The following JAG1 variants were observed in gnomAD, a reference collection of about 807,000 sequenced individuals.
The protein encoded by JAG1 is jagged canonical Notch ligand 1.
A neutral mutation model predicts 148.7 loss-of-function variants in JAG1; 23 were observed. The ratio of observed to expected loss-of-function variants is 0.15; its 90% CI spans 0.11 to 0.22. JAG1 has a LOEUF of 0.22. Among genes scored for constraint, JAG1 ranks in the 10% least tolerant of loss-of-function variants. The pLI, the probability that JAG1 is intolerant of heterozygous loss-of-function variation, is 1.00. For synonymous variants in JAG1, 572 were observed against 598.3 expected (o/e 0.96, Z 0.64); for missense variants, 1,054 against 1,611.2 (o/e 0.65, Z 5.92).
At chr20:10,649,927 G>A (rs1250219616) in intron 9 of JAG1, among the ~76,000 whole-genome samples, 1 of 152,182 alleles carries the variant, frequency 6.6e-6, no homozygotes, top group Non-Finnish European at 1.5e-5. Flanking sequence ...CCTAGTTGCT[G>A]GGATTTAAAT....
At chr20:10,670,507 A>C (rs1388955277) in intron 2 of JAG1, among the ~76,000 whole-genome samples, 3 of 152,162 alleles carry the variant, frequency 2.0e-5, no homozygotes, top group East Asian at 3.8e-4. Context: ...CTCTAGTTAA[A>C]TACTCGCTCA....
In JAG1 at chr20:10,652,878, G is replaced by A. The variant is rs184345426; in HGVS notation, c.756-280C>T. ...CCACTCTCTTCTCAGGCTCACACGA[G>A]TGAGCCAAAGGTGAAGGCATGGAAT... On this transcript the variant is annotated intron_variant, in intron 5 of 25. Transcript: ENST00000254958. 3.0e-3 allele frequency among the ~76,000 whole-genome samples: 464 copies of A among 152,290 alleles called. 2 individuals are homozygous for A. The highest frequency in any genetic ancestry group is 4.9e-3 in the Non-Finnish European group (331 of 68,028).
chr20:10,641,735 T>A, intron 22 of JAG1, 42 bp from the exon 23 acceptor site: 1 of 1,609,866 alleles, frequency 6.2e-7, no homozygotes. Flanking sequence ...GGCATGCTCA[T>A]CCCTGATTCC....
At chr20:10,644,704 C>T (rs967934783) in intron 18 of JAG1, 159 bp downstream of exon 18, 30 of 706,842 alleles carry the variant, frequency 4.2e-5, no homozygotes, top group Non-Finnish European at 4.9e-5. Context: ...TTTCTCATGC[C>T]CAGGTCAGGG....
At chr20:10,642,464 G>A (rs889620939) in intron 21 of JAG1, 24 bp downstream of exon 21, 47 of 1,390,640 alleles carry the variant, frequency 3.4e-5, no homozygotes, top group Non-Finnish European at 4.7e-5. Flanking sequence ...AGACCCATGG[G>A]CAGCTGAAGC....
intron 20 of JAG1, among the ~76,000 whole-genome samples, chr20:10,643,326 A>G (rs1196243136): frequency 2.0e-5 from 3 of 152,026 alleles, no homozygotes; most frequent in Non-Finnish European, 4.4e-5. Flanking sequence ...GCCTGCCCCT[A>G]TTTTCCTGTT....
chr20:10,639,693 A>C lies in JAG1; in HGVS notation c.3462T>G (p.Ser1154=). 6.2e-7 allele frequency: 1 copy of C among 1,614,226 alleles called. No homozygotes were observed. Among genetic ancestry groups the C allele is most frequent in the Non-Finnish European group, 8.5e-7 (1 of 1,180,050 alleles). The stretch of plus-strand genomic sequence containing the variant: ...TGTCCATGTCGTCCTCTTCTACTTC[A>C]GAATTGTGTGTCCTTATTTTAGACA... The part of the protein sequence containing the change: ...SKMSKIRTHN[S]EVEEDDMDKH... Residue 1154 remains serine, a synonymous_variant, in exon 26 of 26, where the codon TCT becomes TCG. Transcript: ENST00000254958.
rs745700532 is a variant in JAG1, at chr20:10,639,740, A to T, written c.3415T>A (p.Tyr1139Asn). The T allele has an allele frequency of 5.0e-6, 8 of 1,614,114 alleles. No homozygotes were observed. The highest frequency in any genetic ancestry group is 6.8e-6 in the Non-Finnish European group (8 of 1,180,004). Residue 1139 changes from tyrosine (Y) to asparagine (N), a missense_variant, in exon 26 of 26, where the codon TAT becomes AAT. By Grantham distance (143) the Tyr-to-Asn change is moderately radical (BLOSUM62 -2). Around this residue, in one of 6 missense-constraint regions of JAG1, gnomAD observed 177 missense variants for 177.3 expected, o/e 1.00. Transcript: ENST00000254958. ...HGANTVPIKD[Y>N]ENKNSKMSKI... ...GACATTTTGGAGTTCTTGTTCTCAT[A>T]ATCCTTGATGGGGACCGTGTTGGCC...
chr20:10,649,228 T>C (rs752196707), intron 10 of JAG1, 121 bp from the exon 11 acceptor site: 1 of 748,618 alleles, frequency 1.3e-6, no homozygotes, highest in Non-Finnish European at 2.3e-6. Context: ...GTGCTTTCCG[T>C]GAGATAAGGT....
chr20:10,644,708 G>T, intron 18 of JAG1, 155 bp downstream of exon 18: 2 of 725,248 alleles, frequency 2.8e-6, no homozygotes, highest in South Asian at 3.0e-5. Context: ...TCATGCCCAG[G>T]TCAGGGCTGT....
intron 2 of JAG1, among the ~76,000 whole-genome samples, chr20:10,671,759 C>G (rs1171884577): frequency 6.6e-6 from 1 of 152,214 alleles, no homozygotes; most frequent in African/African-American, 2.4e-5. Context: ...TCGCACCCAT[C>G]TTCCTTCCAC....
intron 18 of JAG1, 182 bp from the exon 19 acceptor site, chr20:10,644,566 A>C: frequency 2.9e-6 from 2 of 679,096 alleles, no homozygotes; most frequent in Admixed American, 2.1e-5. Context: ...GCTGTGGGAC[A>C]CATGTACACA....
intron 14 of JAG1, 128 bp downstream of exon 14, chr20:10,646,811 G>A: frequency 5.3e-6 from 5 of 952,232 alleles, no homozygotes; most frequent in Non-Finnish European, 8.4e-6. Context: ...GGCAACAACA[G>A]CGAAATTCGG....
Position 10,652,308 on chromosome 20 carries a change from T to C in JAG1, c.887-58A>G, listed in dbSNP as rs199902368. The C allele has an allele frequency of 6.4e-4, 1,029 of 1,609,954 alleles. 2 individuals carry two copies. The African/African-American group carries it at 0.012, about 19-fold the overall frequency. On this transcript the variant is annotated intron_variant, in intron 6 of 25. Coordinates refer to ENST00000254958, the MANE Select transcript of JAG1 (RefSeq NM_000214.3). ...GCCTGTGAAGATGGCGAACCCACCA[T>C]GTTTCTAGCCCCAGTCGTCTTTTAA... is the stretch of plus-strand genomic sequence containing the variant.
At chr20:10,654,776 GGACTTC>G in intron 5 of JAG1, among the ~76,000 whole-genome samples, 1 of 152,288 alleles carries the variant, frequency 6.6e-6, no homozygotes. Flanking sequence ...GAGGGAGGTG[GGACTTC>G]GAAAGAGAAA....
Position 10,645,274 on chromosome 20 carries a change from A to C in JAG1, c.2114-18T>G, listed in dbSNP as rs766999933. ...ACTGTCACCTGGAGGAAAATATTTC[A>C]GTGTGAGTCCCAGTGGCCCCCTCCC... On this transcript the variant is annotated intron_variant, in intron 16 of 25. Coordinates refer to ENST00000254958, the MANE Select transcript of JAG1 (RefSeq NM_000214.3). The surrounding 1 kb of genome is among the most constrained non-coding windows in gnomAD (Gnocchi z 6.1). 6.2e-7 allele frequency: 1 copy of C among 1,611,374 alleles called. No homozygotes were observed. Among genetic ancestry groups the C allele is most frequent in the South Asian group, 1.1e-5 (1 of 91,036 alleles).
chr20:10,644,997 A>G lies in JAG1; in HGVS notation c.2228-18T>C, dbSNP rs2067298086. ...GTTTCGGGCTATAAAAGAAGAGCAG[A>G]CACGACCACCCTCCCTGAGTATCCA... On this transcript the variant is annotated intron_variant, in intron 17 of 25. Transcript: ENST00000254958. 6.3e-7 allele frequency: 1 copy of G among 1,592,972 alleles called. No individual in the cohort carries two copies. The highest frequency in any genetic ancestry group is 1.3e-5 in the African/African-American group (1 of 74,412).
rs377227857 is a variant in JAG1, at chr20:10,641,705, C to A, written c.2683-12G>T. ...GGGCCACACCAGACCTGGAGAAAAA[C>A]AGAAGCTGGCAGCTTAGCAGGCATG... is the stretch of plus-strand genomic sequence containing the variant. On this transcript the variant is annotated splice_polypyrimidine_tract_variant and intron_variant, in intron 22 of 25. Transcript: ENST00000254958. 3 of 1,613,648 alleles carry A rather than the reference C, an allele frequency of 1.9e-6. No individual in the cohort carries two copies. Among genetic ancestry groups the A allele is most frequent in the Non-Finnish European group, 8.5e-7 (1 of 1,179,540 alleles).
chr20:10,654,615 G>A (rs936615531), intron 5 of JAG1, among the ~76,000 whole-genome samples: 2 of 152,202 alleles, frequency 1.3e-5, no homozygotes, highest in Non-Finnish European at 2.9e-5. Flanking sequence ...TTCTGCAGCA[G>A]GACACAACCT....
Sources: allele counts gnomAD v4.1 joint callset (sites outside exome capture counted in the v4.1 genomes callset), GRCh38; gene constraint gnomAD v4.1.1; regional missense constraint gnomAD v4.1.1; non-coding constraint Gnocchi (gnomAD v3.1); transcripts MANE v1.5; gene names NCBI Gene and HGNC (gene_info 2026-07-23, HGNC 2026-07-21).